ADIPOR2: variants seen among roughly 807,000 people sequenced by gnomAD.
The protein encoded by ADIPOR2 is adiponectin receptor 2.
Under a neutral mutation model 40.9 loss-of-function variants are expected in ADIPOR2, and 18 were observed. The observed-to-expected ratio is 0.44, with a 90% CI of 0.30 to 0.65. The LOEUF is 0.65. Among genes scored for constraint, ADIPOR2 ranks in the 30% least tolerant of loss-of-function variants. The pLI is 0.09. For missense variants in ADIPOR2, 283 were observed against 479.2 expected (o/e 0.59, Z 3.82); for synonymous variants, 165 against 166.4 (o/e 0.99, Z 0.06).
chr12:1,727,837 C>T (rs925889322), intron 1 of ADIPOR2, among the ~76,000 whole-genome samples: 4 of 150,994 alleles, frequency 2.6e-5, no homozygotes, highest in East Asian at 3.9e-4. Flanking sequence ...TGCAGATGCC[C>T]GTGCACACAG....
chr12:1,723,282 A>T (rs187817245), intron 1 of ADIPOR2, among the ~76,000 whole-genome samples: 1 of 152,102 alleles, frequency 6.6e-6, no homozygotes, highest in African/African-American at 2.4e-5. Flanking sequence ...CGCATGTTCC[A>T]TGAGGTCTCA....
Position 1,780,942 on chromosome 12 carries a change from T to G in ADIPOR2, c.704T>G (p.Leu235Arg), listed in dbSNP as rs775795062. 6.2e-7 allele frequency: 1 copy of G among 1,613,832 alleles called. No individual in the cohort carries two copies. Among genetic ancestry groups the G allele is most frequent in the Non-Finnish European group, 8.5e-7 (1 of 1,179,902 alleles). The change falls in exon 6 of 8, where the codon CTT becomes CGT. Residue 235 changes from leucine to arginine, a missense_variant. Physicochemically the swap from Leu to Arg is moderately radical, Grantham distance 102. Coordinates refer to ENST00000357103, the MANE Select transcript of ADIPOR2 (RefSeq NM_024551.3). ...LLIMGSFVPW[L>R]YYSFYCNPQP... ...ATTATGGGAAGTTTTGTTCCTTGGCTTTATTATTCTTTCTACTGTAATCCA... is the reference window on the plus strand; with the variant it reads ...ATTATGGGAAGTTTTGTTCCTTGGCGTTATTATTCTTTCTACTGTAATCCA...
At chr12:1,731,148 A>G (rs1265820972) in intron 1 of ADIPOR2, 1 of 151,892 alleles carries the variant, frequency 6.6e-6, no homozygotes, top group Non-Finnish European at 1.5e-5. Flanking sequence ...GAAGCCTCAA[A>G]CTCCTGGGCT....
intron 1 of ADIPOR2, among the ~76,000 whole-genome samples, chr12:1,720,247 TA>T (rs1314295431): frequency 6.6e-6 from 1 of 152,174 alleles, no homozygotes; most frequent in Non-Finnish European, 1.5e-5. Context: ...ATTTGACAGA[TA>T]TTTACTGAAT....
chr12:1,722,705 C>T (rs2094700187), intron 1 of ADIPOR2, among the ~76,000 whole-genome samples: 1 of 152,164 alleles, frequency 6.6e-6, no homozygotes, highest in Admixed American at 6.5e-5. Context: ...TTATACTTGC[C>T]TGGATACAGT....
chr12:1,734,070 T>TA (rs1315625183), intron 1 of ADIPOR2, among the ~76,000 whole-genome samples: 1 of 152,214 alleles, frequency 6.6e-6, no homozygotes, highest in Non-Finnish European at 1.5e-5. Context: ...GCAATAAACA[T>TA]ACGTTTGCGT....
At chr12:1,703,641 TG>T (rs1466236010) in intron 1 of ADIPOR2, among the ~76,000 whole-genome samples, 2 of 152,078 alleles carry the variant, frequency 1.3e-5, no homozygotes, top group Admixed American at 1.3e-4. Context: ...AGCTCGAACC[TG>T]GGAGGTCAAG....
intron 2 of ADIPOR2, among the ~76,000 whole-genome samples, chr12:1,767,269 C>CAAA (rs61401998): frequency 1.6e-4 from 14 of 87,434 alleles, no homozygotes; most frequent in South Asian, 4.0e-4. Flanking sequence ...AAGACTTCGT[C>CAAA]AAAAAAAAAA....
intron 2 of ADIPOR2, among the ~76,000 whole-genome samples, chr12:1,759,297 GT>G (rs779659042): frequency 2.6e-5 from 4 of 152,062 alleles, no homozygotes; most frequent in African/African-American, 4.8e-5. Context: ...CATTTTCTTT[GT>G]TTTTTTCCCT....
At chr12:1,746,978 T>C (rs2094756491) in intron 1 of ADIPOR2, among the ~76,000 whole-genome samples, 1 of 151,952 alleles carries the variant, frequency 6.6e-6, no homozygotes, top group African/African-American at 2.4e-5. Context: ...GAGGTTGCAA[T>C]GAACTGTGAT....
At chr12:1,701,191 A>G (rs2094649615) in intron 1 of ADIPOR2, among the ~76,000 whole-genome samples, 1 of 140,074 alleles carries the variant, frequency 7.1e-6, no homozygotes, top group African/African-American at 2.7e-5. Context: ...GTACAGGGGT[A>G]TGATCATGGC....
chr12:1,772,105 A>G (rs73591766), intron 2 of ADIPOR2, among the ~76,000 whole-genome samples: 3,600 of 152,256 alleles, frequency 0.024, 133 homozygotes, highest in African/African-American at 0.081. Context: ...CTTGGTCTGG[A>G]GGCAGAAATT....
chr12:1,768,243 C>T (rs911446714), intron 2 of ADIPOR2, among the ~76,000 whole-genome samples: 1 of 152,112 alleles, frequency 6.6e-6, no homozygotes, highest in Non-Finnish European at 1.5e-5. Flanking sequence ...CTTGTACTTC[C>T]ACTAACATTT....
At chr12:1,704,468 A>G (rs2094658011) in intron 1 of ADIPOR2, among the ~76,000 whole-genome samples, 1 of 152,204 alleles carries the variant, frequency 6.6e-6, no homozygotes, top group Non-Finnish European at 1.5e-5. Context: ...CAATTTGAGG[A>G]TATACATTAA....
At position 1,755,091 on chromosome 12, in the gene ADIPOR2, T is replaced by A. The variant is rs113589005; in HGVS notation, c.171+577T>A. Among the ~76,000 whole-genome samples the A allele has an allele frequency of 3.0e-4, 20 of 66,096 alleles. 6 individuals carry two copies. Among genetic ancestry groups the A allele is most frequent in the East Asian group, 9.2e-4 (2 of 2,170 alleles). 43.4% of individuals were successfully genotyped at this position (66,096 alleles called of 152,430 possible). ...GTCTTTCTGCTGACTCTTTTTTTTT[T>A]AATTTCGGAGACGGAGTCTTGTTCT... On this transcript the variant is annotated intron_variant, in intron 2 of 7. Coordinates refer to ENST00000357103, the MANE Select transcript of ADIPOR2 (RefSeq NM_024551.3).
intron 6 of ADIPOR2, among the ~76,000 whole-genome samples, chr12:1,781,821 G>T (rs1862726186): frequency 6.6e-6 from 1 of 152,132 alleles, no homozygotes; most frequent in Non-Finnish European, 1.5e-5. Context: ...GGGGTACCTG[G>T]AAGGTTAGAC....
intron 2 of ADIPOR2, among the ~76,000 whole-genome samples, chr12:1,764,590 C>CACACACACATAT (rs1555170939): frequency 1.5e-5 from 2 of 133,286 alleles, no homozygotes; most frequent in African/African-American, 5.0e-5. Flanking sequence ...CACACACACA[C>CACACACACATAT]GTAGATATAT....
chr12:1,762,782 G>A (rs1862297331), intron 2 of ADIPOR2, among the ~76,000 whole-genome samples: 1 of 152,156 alleles, frequency 6.6e-6, no homozygotes, highest in African/African-American at 2.4e-5. Flanking sequence ...AGGAAACTGA[G>A]GTTTCATGTG....
intron 1 of ADIPOR2, among the ~76,000 whole-genome samples, chr12:1,747,597 G>A (rs1286103289): frequency 6.6e-6 from 1 of 152,100 alleles, no homozygotes; most frequent in Non-Finnish European, 1.5e-5. Flanking sequence ...TTTTAAGGGG[G>A]ATCTTCCAGG....
Sources: gnomAD v4.1 joint callset for allele counts (sites outside exome capture counted in the v4.1 genomes callset) on GRCh38, gnomAD v4.1.1 for gene constraint, MANE v1.5 for transcripts, NCBI Gene and HGNC (gene_info 2026-07-23, HGNC 2026-07-21) for gene names.